The following WDR27 variants were observed in gnomAD, a reference collection of about 807,000 sequenced individuals.
WDR27 encodes the protein WD repeat domain 27, also known as WD repeat-containing protein 27.
Under a neutral mutation model 114.4 loss-of-function variants are expected in WDR27, and 100 were observed. The ratio of observed to expected loss-of-function variants is 0.87; its 90% CI spans 0.74 to 1.03. The LOEUF is 1.03. Ranked by LOEUF, WDR27 falls within the 50% of genes least tolerant of loss-of-function variation. WDR27 has a pLI of 0.00. For missense variants in WDR27, 1,129 were observed against 1,092.9 expected (o/e 1.03, Z -0.47); for synonymous variants, 449 against 423.1 (o/e 1.06, Z -0.75).
rs367717354 is a variant in WDR27 at position 169,649,224 on chromosome 6, A to G, written c.1533T>C (p.Ser511=). 5.1e-6 allele frequency: 8 copies of G among 1,577,832 alleles called. No homozygotes were observed. The Admixed American group carries it at 7.3e-5, about 14-fold the overall frequency. The part of the protein sequence containing the change: ...KTNIKSEGKG[S]SRSRSSCARE... ...GTGCGCAGCTGCTCCTGCTCCTTGA[A>G]GATCCTTTCCCCTCACTCTTGATGT... Residue 511 remains serine (S), a synonymous_variant, in exon 15 of 26, where the codon TCT becomes TCC. Coordinates refer to ENST00000448612, the MANE Select transcript of WDR27 (RefSeq NM_182552.5).
intron 25 of WDR27, among the ~76,000 whole-genome samples, chr6:169,534,594 T>C (rs1796002797): frequency 6.6e-6 from 1 of 152,116 alleles, no homozygotes; most frequent in African/African-American, 2.4e-5. Flanking sequence ...TTCAATGTTC[T>C]ACTTATTCTT....
chr6:169,428,608 A>AGGGGGGGGTGGGGGGGGGGGG, the WDR27 span, among the ~76,000 whole-genome samples: 1 of 114,462 alleles, frequency 8.7e-6, no homozygotes, highest in East Asian at 3.2e-4. Flanking sequence ...GGCGGGGGGG[A>AGGGGGGGGTGGGGGGGGGGGG]GGGGGGGGTT....
intron 23 of WDR27, among the ~76,000 whole-genome samples, chr6:169,588,288 C>G (rs780687863): frequency 6.6e-6 from 1 of 152,166 alleles, no homozygotes; most frequent in African/African-American, 2.4e-5. Flanking sequence ...GTTTATATTT[C>G]TCTTGACTGA....
chr6:169,570,805 G>A (rs1301213743), intron 25 of WDR27, among the ~76,000 whole-genome samples: 3 of 152,096 alleles, frequency 2.0e-5, no homozygotes, highest in African/African-American at 7.2e-5. Context: ...CTCCAGCCTG[G>A]GCCACAAGAG....
chr6:169,497,394 GA>G (rs891723637), intron 25 of WDR27, among the ~76,000 whole-genome samples: 3 of 151,692 alleles, frequency 2.0e-5, no homozygotes, highest in Non-Finnish European at 4.4e-5. Context: ...AGCAACAAAA[GA>G]AAAAAATAGG....
At chr6:169,672,999 T>G (rs1044923412) in intron 2 of WDR27, among the ~76,000 whole-genome samples, 1 of 152,128 alleles carries the variant, frequency 6.6e-6, no homozygotes, top group Non-Finnish European at 1.5e-5. Context: ...GGGGGTATAC[T>G]GGGCTGGAGA....
chr6:169,481,625 C>T (rs1259852270), intron 25 of WDR27, among the ~76,000 whole-genome samples: 1 of 152,102 alleles, frequency 6.6e-6, no homozygotes, highest in Non-Finnish European at 1.5e-5. Context: ...CGAACAACTC[C>T]AGACGCACTG....
At chr6:169,607,376 G>T (rs1228203124) in intron 22 of WDR27, among the ~76,000 whole-genome samples, 1 of 148,944 alleles carries the variant, frequency 6.7e-6, no homozygotes, top group South Asian at 2.1e-4. Flanking sequence ...AGAAAATGTA[G>T]TATACTTGTG....
intron 25 of WDR27, among the ~76,000 whole-genome samples, chr6:169,478,237 A>G (rs888667239): frequency 6.6e-6 from 1 of 152,236 alleles, no homozygotes; most frequent in African/African-American, 2.4e-5. Flanking sequence ...CTTGTGCAAC[A>G]CAAGAATGAA....
At chr6:169,673,866 G>C (rs1332116144) in intron 2 of WDR27, among the ~76,000 whole-genome samples, 4 of 152,146 alleles carry the variant, frequency 2.6e-5, no homozygotes, top group African/African-American at 9.7e-5. Context: ...TGTCTGCCTA[G>C]AATACAATCT....
chr6:169,488,938 G>C (rs1483638954), intron 25 of WDR27, among the ~76,000 whole-genome samples: 3 of 137,250 alleles, frequency 2.2e-5, no homozygotes, highest in African/African-American at 7.8e-5. Flanking sequence ...TGGCACATTT[G>C]ATGCCCCCTT....
At chr6:169,563,464 T>A (rs888862537) in intron 25 of WDR27, among the ~76,000 whole-genome samples, 3 of 152,220 alleles carry the variant, frequency 2.0e-5, no homozygotes, top group Non-Finnish European at 4.4e-5. Context: ...GTGCCTGAAC[T>A]AACATCCGTG....
At chr6:169,662,522 T>C (rs1826488844) in intron 8 of WDR27, 98 bp from the exon 9 acceptor site, 8 of 1,473,530 alleles carry the variant, frequency 5.4e-6, no homozygotes, top group South Asian at 4.9e-5. Flanking sequence ...GCAGTGAATG[T>C]GCACCGTGGA....
chr6:169,645,181 T>C (rs563450847), intron 16 of WDR27, among the ~76,000 whole-genome samples: 153 of 150,902 alleles, frequency 1.0e-3, no homozygotes, highest in Admixed American at 9.8e-3. Context: ...AGTCACACTG[T>C]AGAAAAGCCT....
intron 25 of WDR27, among the ~76,000 whole-genome samples, chr6:169,474,649 C>T (rs1042768418): frequency 4.0e-5 from 6 of 150,810 alleles, no homozygotes; most frequent in African/African-American, 9.8e-5. Context: ...AGACTAATCC[C>T]GATATTCATT....
intron 25 of WDR27, among the ~76,000 whole-genome samples, chr6:169,502,179 T>C (rs1445238636): frequency 6.6e-6 from 1 of 152,118 alleles, no homozygotes; most frequent in Non-Finnish European, 1.5e-5. Flanking sequence ...CAGGCCCCCA[T>C]GCAGGGAGAG....
At chr6:169,552,551 C>A (rs1798295447) in intron 25 of WDR27, among the ~76,000 whole-genome samples, 1 of 152,116 alleles carries the variant, frequency 6.6e-6, no homozygotes, top group South Asian at 2.1e-4. Flanking sequence ...ATGAAACTAG[C>A]AATAAAAGAG....
chr6:169,606,494 T>C (rs2128176348), intron 22 of WDR27, among the ~76,000 whole-genome samples: 1 of 152,296 alleles, frequency 6.6e-6, no homozygotes, highest in Middle Eastern at 3.4e-3. Context: ...CCCCAGTGTG[T>C]GTTGTTCCAT....
intron 16 of WDR27, among the ~76,000 whole-genome samples, chr6:169,645,260 T>C (rs973644792): frequency 6.8e-6 from 1 of 148,080 alleles, no homozygotes; most frequent in Admixed American, 6.8e-5. Flanking sequence ...TCCTAGTTCG[T>C]ATGAGTCTCA....
Sources: gnomAD v4.1 joint callset for allele counts (sites outside exome capture counted in the v4.1 genomes callset) on GRCh38, gnomAD v4.1.1 for gene constraint, MANE v1.5 for transcripts, NCBI Gene and HGNC (gene_info 2026-07-23, HGNC 2026-07-21) for gene names.